The following APBA2 variants were observed in gnomAD, a reference collection of about 807,000 sequenced individuals.
The protein encoded by APBA2 is amyloid-beta A4 precursor protein-binding family A member 2.
A neutral mutation model predicts 75.0 loss-of-function variants in APBA2; 30 were observed. The ratio of observed to expected loss-of-function variants is 0.40; its 90% CI spans 0.30 to 0.54. The LOEUF is 0.54. Among genes scored for constraint, APBA2 ranks in the 20% least tolerant of loss-of-function variants. APBA2 has a pLI of 0.49. For missense variants in APBA2, 801 were observed against 1,016.1 expected, an observed-to-expected ratio of 0.79 and a Z score of 2.88; for synonymous variants, 444 against 409.6, an observed-to-expected ratio of 1.08 and a Z score of -1.01.
intron 3 of APBA2, among the ~76,000 whole-genome samples, chr15:29,029,457 A>G (rs990588377): frequency 2.0e-5 from 3 of 152,190 alleles, no homozygotes; most frequent in African/African-American, 7.2e-5. Context: ...TACATTTTGA[A>G]TGCTTTCTAA....
rs1290843780 is a variant in APBA2, at chr15:29,116,402, G to A, written c.2179-660G>A. ...AGCACTTTGGGAGGCCGAGGCGGGC[G>A]TATCACGAGGTCGGGAGATTGAGAC... On this transcript the variant is annotated intron_variant, in intron 14 of 14. Coordinates refer to ENST00000683413, the MANE Select transcript of APBA2 (RefSeq NM_001353788.2). 2.6e-5 allele frequency among the ~76,000 whole-genome samples: 4 copies of A among 152,212 alleles called. 1 individual carries two copies. Among genetic ancestry groups the A allele is most frequent in the African/African-American group, 7.2e-5 (3 of 41,552 alleles).
At chr15:28,886,954 G>A (rs1411646407) in intron 1 of APBA2, among the ~76,000 whole-genome samples, 1 of 152,184 alleles carries the variant, frequency 6.6e-6, no homozygotes, top group East Asian at 1.9e-4. Context: ...GGAGAACATC[G>A]AGGCCCCCGG....
intron 2 of APBA2, among the ~76,000 whole-genome samples, chr15:28,960,051 G>C (rs552816023): frequency 4.0e-5 from 6 of 151,832 alleles, no homozygotes; most frequent in African/African-American, 1.2e-4. Context: ...AGGCTGAGGT[G>C]GGAGGATTGC....
At chr15:28,987,727 G>GATATATATATATATATATATATATAT (rs1252518408) in intron 2 of APBA2, among the ~76,000 whole-genome samples, 10 of 115,108 alleles carry the variant, frequency 8.7e-5, no homozygotes, top group Non-Finnish European at 1.6e-4. Flanking sequence ...TATGTGGAGA[G>GATATATATATATATATATATATATAT]AGATATATAT....
chr15:28,886,324 C>T (rs1439562629), intron 1 of APBA2, 46 bp downstream of exon 1: 1 of 151,020 alleles, frequency 6.6e-6, no homozygotes, highest in East Asian at 2.0e-4. Context: ...CGGCGGCAGC[C>T]TGGGGCCGCC....
intron 13 of APBA2, 48 bp from the exon 14 acceptor site, chr15:29,113,828 G>T (rs371592409): frequency 2.5e-6 from 4 of 1,597,568 alleles, no homozygotes; most frequent in Admixed American, 3.3e-5. Context: ...TGGAGCGCCT[G>T]TCGGGTGTGG....
rs536693179 is a variant in APBA2 at position 28,991,980 on chromosome 15, A to G, written c.-94-3773A>G. On this transcript the variant is annotated intron_variant, in intron 2 of 14. Coordinates refer to ENST00000683413, the MANE Select transcript of APBA2 (RefSeq NM_001353788.2). This position sits in a 1 kb window ranked among gnomAD's most constrained non-coding sequence, Gnocchi z 4.7. ...CATAGCTCTGGGGCCAGCTAGAGGA[A>G]GGAGTGTGATTGTGCCTTCCCGGGA... Among the ~76,000 whole-genome samples the G allele has an allele frequency of 6.6e-6, 1 of 152,330 alleles. No homozygotes were observed. Among genetic ancestry groups the G allele is most frequent in the Non-Finnish European group, 1.5e-5 (1 of 68,030 alleles).
At chr15:28,960,993 A>C (rs2036439731) in intron 2 of APBA2, among the ~76,000 whole-genome samples, 1 of 152,074 alleles carries the variant, frequency 6.6e-6, no homozygotes, top group South Asian at 2.1e-4. Flanking sequence ...TCCCGACCTC[A>C]GGTGATTCAC....
intron 3 of APBA2, among the ~76,000 whole-genome samples, chr15:29,047,744 A>G (rs4603522): frequency 0.3 from 45,450 of 152,164 alleles, 9,231 homozygotes; most frequent in African/African-American, 0.58. Flanking sequence ...GACTTCTGAA[A>G]GTGACATCAT....
At chr15:29,078,927 A>G (rs2042969947) in intron 6 of APBA2, among the ~76,000 whole-genome samples, 1 of 152,220 alleles carries the variant, frequency 6.6e-6, no homozygotes, top group African/African-American at 2.4e-5. Flanking sequence ...GTTACCTTTC[A>G]TAGTGTGCTC....
intron 4 of APBA2, among the ~76,000 whole-genome samples, chr15:29,069,345 A>G (rs1448237865): frequency 6.6e-6 from 1 of 152,224 alleles, no homozygotes; most frequent in Admixed American, 6.5e-5. Flanking sequence ...TTGTGTAGAC[A>G]CTTGCTTTCA....
intron 6 of APBA2, among the ~76,000 whole-genome samples, chr15:29,087,265 A>T (rs58086382): frequency 0.11 from 16,204 of 144,020 alleles, 947 homozygotes; most frequent in African/African-American, 0.18. Context: ...ATTTTTTTTT[A>T]AAAAAAATTA....
intron 5 of APBA2, among the ~76,000 whole-genome samples, chr15:29,075,623 A>G (rs904716668): frequency 6.6e-6 from 1 of 152,232 alleles, no homozygotes; most frequent in African/African-American, 2.4e-5. Context: ...CAGTGCTATG[A>G]TGGAAGTTAT....
chr15:28,889,895 A>G (rs1335550820), intron 1 of APBA2, among the ~76,000 whole-genome samples: 1 of 152,142 alleles, frequency 6.6e-6, no homozygotes, highest in Non-Finnish European at 1.5e-5. Context: ...CTCACCATTC[A>G]GTGTGTTATT....
chr15:28,948,935 G>A (rs528647547), intron 2 of APBA2, among the ~76,000 whole-genome samples: 2 of 151,086 alleles, frequency 1.3e-5, no homozygotes, highest in East Asian at 2.0e-4. Context: ...CAAGGCTGCA[G>A]AGTTGTAAAG....
intron 1 of APBA2, among the ~76,000 whole-genome samples, chr15:28,909,412 C>G (rs959898641): frequency 6.6e-6 from 1 of 152,228 alleles, no homozygotes; most frequent in African/African-American, 2.4e-5. Flanking sequence ...GCCCTCAAGG[C>G]CCATCTGTGT....
intron 1 of APBA2, among the ~76,000 whole-genome samples, chr15:28,904,887 A>G (rs1258145768): frequency 1.3e-5 from 2 of 152,180 alleles, no homozygotes; most frequent in South Asian, 2.1e-4. Flanking sequence ...AGAGACTGTT[A>G]GTTATTCCAG....
At chr15:29,078,411 G>C (rs1238062358) in intron 6 of APBA2, among the ~76,000 whole-genome samples, 1 of 152,116 alleles carries the variant, frequency 6.6e-6, no homozygotes, top group Non-Finnish European at 1.5e-5. Context: ...AGGAGTTCAA[G>C]ACCAGCTTGA....
chr15:29,048,688 C>G (rs1484907143), intron 3 of APBA2, among the ~76,000 whole-genome samples: 1 of 152,044 alleles, frequency 6.6e-6, no homozygotes, highest in African/African-American at 2.4e-5. Context: ...GTAATCCCAG[C>G]ACTTTGGGAG....
Sources: allele counts gnomAD v4.1 joint callset (sites outside exome capture counted in the v4.1 genomes callset), GRCh38; gene constraint gnomAD v4.1.1; non-coding constraint Gnocchi (gnomAD v3.1); transcripts MANE v1.5; gene names NCBI Gene and HGNC (gene_info 2026-07-23, HGNC 2026-07-21).